ABCB1: variants seen among roughly 807,000 people sequenced by gnomAD.
ABCB1 encodes ATP-dependent translocase ABCB1.
ABCB1 carries 69 observed loss-of-function variants against 142.0 expected under a neutral mutation model. The observed-to-expected ratio is 0.49, with a 90% CI of 0.40 to 0.59. The LOEUF (loss-of-function observed/expected upper bound fraction) is 0.59. Among genes scored for constraint, ABCB1 ranks in the 20% least tolerant of loss-of-function variants. The pLI, the probability that ABCB1 is intolerant of heterozygous loss-of-function variation, is 0.00. For missense variants in ABCB1, 1,326 were observed against 1,554.7 expected (o/e 0.85, Z 2.47); for synonymous variants, 532 against 539.2 (o/e 0.99, Z 0.18).
At chr7:87,614,894 G>A (rs980943751) in intron 1 of ABCB1, among the ~76,000 whole-genome samples, 2 of 152,060 alleles carry the variant, frequency 1.3e-5, no homozygotes, top group East Asian at 3.9e-4. Flanking sequence ...TGCCCAGGCT[G>A]GAGTGCGGTG....
chr7:87,615,315 T>A (rs1248523615), intron 1 of ABCB1, among the ~76,000 whole-genome samples: 1 of 152,192 alleles, frequency 6.6e-6, no homozygotes, highest in Non-Finnish European at 1.5e-5. Flanking sequence ...GTGTGTTTAG[T>A]CCACTGAGAG....
intron 21 of ABCB1, among the ~76,000 whole-genome samples, chr7:87,528,166 A>T (rs1815878434): frequency 6.6e-6 from 1 of 152,190 alleles, no homozygotes. Flanking sequence ...ACATGTGAAG[A>T]TTATTACCAT....
At chr7:87,531,271 C>T (rs2117129515) in intron 21 of ABCB1, 23 bp downstream of exon 21, 2 of 1,582,808 alleles carry the variant, frequency 1.3e-6, no homozygotes, top group Non-Finnish European at 1.7e-6. Context: ...CTTAATTAAT[C>T]AATCATATTT....
intron 1 of ABCB1, among the ~76,000 whole-genome samples, chr7:87,611,227 T>A (rs887381268): frequency 6.6e-6 from 1 of 152,142 alleles, no homozygotes; most frequent in African/African-American, 2.4e-5. Flanking sequence ...CTCCCCTTAT[T>A]CCTTCATGAT....
chr7:87,536,889 A>C, intron 19 of ABCB1: 1 of 303,076 alleles, frequency 3.3e-6, no homozygotes, highest in Non-Finnish European at 6.3e-6. Flanking sequence ...CAGAAAAGTG[A>C]GGGGAGGTGC....
chr7:87,517,030 C>T (rs1022339340), intron 23 of ABCB1, among the ~76,000 whole-genome samples: 2 of 152,084 alleles, frequency 1.3e-5, no homozygotes, highest in Non-Finnish European at 2.9e-5. Flanking sequence ...AGCCACCATG[C>T]CTGGCCAAAA....
intron 4 of ABCB1, among the ~76,000 whole-genome samples, chr7:87,583,690 T>A (rs28381833): frequency 1.3e-5 from 2 of 152,190 alleles, no homozygotes; most frequent in African/African-American, 2.4e-5. Context: ...TGGGAGCTCA[T>A]GCATGCTATT....
chr7:87,650,058 C>T (rs1322759496), intron 1 of ABCB1, among the ~76,000 whole-genome samples: 2 of 152,090 alleles, frequency 1.3e-5, no homozygotes. Context: ...CTAATACAGA[C>T]GTATTCTTCT....
At chr7:87,552,639 C>T (rs1817124723) in intron 9 of ABCB1, among the ~76,000 whole-genome samples, 1 of 145,132 alleles carries the variant, frequency 6.9e-6, no homozygotes, top group African/African-American at 2.6e-5. Context: ...CCCACAGCAT[C>T]ACTATACTAA....
intron 8 of ABCB1, among the ~76,000 whole-genome samples, chr7:87,555,210 A>G (rs1817257027): frequency 6.6e-6 from 1 of 152,170 alleles, no homozygotes; most frequent in Non-Finnish European, 1.5e-5. Context: ...CCAAGGTAAA[A>G]GGATTAGAGA....
chr7:87,638,039 A>T (rs1211004641), intron 1 of ABCB1, among the ~76,000 whole-genome samples: 1 of 151,942 alleles, frequency 6.6e-6, no homozygotes. Context: ...TCATAAATGG[A>T]TGCTTATTAT....
intron 8 of ABCB1, among the ~76,000 whole-genome samples, chr7:87,559,960 C>T (rs1817487455): frequency 6.6e-6 from 1 of 152,178 alleles, no homozygotes; most frequent in Admixed American, 6.5e-5. Context: ...CATTATGTCT[C>T]TGCTCAAATA....
In ABCB1 at chr7:87,571,769, C is replaced by T. The variant is rs114027390; in HGVS notation, c.287-1546G>A. ...TGAAGATGTCCAATAAGTATTCAGA[C>T]CGTAACTTTCCAGTTTTAGAGACAG... On this transcript the variant is annotated intron_variant, in intron 4 of 27. Transcript: ENST00000622132. Among the ~76,000 whole-genome samples, 695 of 152,228 alleles carry T rather than the reference C, an allele frequency of 4.6e-3. 5 individuals are homozygous for T. The highest frequency in any genetic ancestry group is 0.016 in the African/African-American group (655 of 41,540).
rs1814563973 is a variant in ABCB1 at position 87,503,163 on chromosome 7, T to C, written c.*1080A>G. The stretch of plus-strand genomic sequence containing the variant: ...TTGAGAATTACCTGATTATATCCTT[T>C]CCTATTTTTTTTTCCTGGAGGTGAT... On this transcript the variant is annotated 3_prime_UTR_variant, in exon 28 of 28. Coordinates refer to ENST00000622132, the MANE Select transcript of ABCB1 (RefSeq NM_001348946.2). 6.6e-6 allele frequency among the ~76,000 whole-genome samples: 1 copy of C among 152,028 alleles called. No homozygotes were observed. The highest frequency in any genetic ancestry group is 6.5e-5 in the Admixed American group (1 of 15,282).
chr7:87,647,866 C>G (rs931425778), intron 1 of ABCB1, among the ~76,000 whole-genome samples: 2 of 151,932 alleles, frequency 1.3e-5, no homozygotes, highest in Admixed American at 1.3e-4. Context: ...GGCCAACTTG[C>G]AGAGATGAAA....
rs986073194 is a variant in ABCB1 at position 87,691,892 on chromosome 7, C to T, written c.-331+21269G>A. On this transcript the variant is annotated intron_variant, in intron 1 of 28. Coordinates refer to the ABCB1 transcript ENST00000265724. ...GGTCTTGGCAGCCTTGTCTCTGGGC[C>T]TACCTTTTCTCATCTGTAAAATGAG... Among the ~76,000 whole-genome samples, 4 of 152,134 alleles carry T rather than the reference C, an allele frequency of 2.6e-5. No homozygotes were observed. The South Asian group carries it at 8.3e-4, about 31-fold the overall frequency.
At chr7:87,643,431 G>A (rs1438184484) in intron 1 of ABCB1, among the ~76,000 whole-genome samples, 3 of 152,048 alleles carry the variant, frequency 2.0e-5, no homozygotes, top group Non-Finnish European at 4.4e-5. Context: ...TATGTGAAAG[G>A]TATTTTTTCT....
chr7:87,541,444 A>T lies in ABCB1; in HGVS notation c.2232T>A (p.Asp744Glu), dbSNP rs747772100. Residue 744 changes from aspartate (D) to glutamate (E), a missense_variant, in exon 18 of 28, where the codon GAT becomes GAA. Transcript: ENST00000622132. ...KIIGVFTRID[D>E]PETKRQNSNL... The stretch of plus-strand genomic sequence containing the variant: ...TACTATTCTGTCGTTTTGTTTCAGG[A>T]TCATCAATTCTTGTAAAAACCTGTG... 2 of 1,607,244 alleles carry T rather than the reference A, an allele frequency of 1.2e-6. No individual in the cohort carries two copies. Among genetic ancestry groups the T allele is most frequent in the Non-Finnish European group, 1.7e-6 (2 of 1,173,878 alleles).
Position 87,561,275 on chromosome 7 carries a change from T to G in ABCB1, c.815A>C (p.Lys272Thr), listed in dbSNP as rs764072893. The G allele has an allele frequency of 1.2e-6, 2 of 1,613,832 alleles. No individual in the cohort carries two copies. Among genetic ancestry groups the G allele is most frequent in the African/African-American group, 2.7e-5 (2 of 74,922 alleles). ...RTVIAFGGQK[K>T]ELERYNKNLE... ...AAGAAACTCAAACCTTTCAAGTTCT[T>G]TCTTTTGTCCTCCAAATGCAATCAC... Residue 272 changes from lysine to threonine, a missense_variant, in exon 8 of 28, where the codon AAA becomes ACA. Physicochemically the swap from Lys to Thr is moderately conservative, Grantham distance 78. Transcript: ENST00000622132.
Sources: gnomAD v4.1 joint callset for allele counts (sites outside exome capture counted in the v4.1 genomes callset) on GRCh38, gnomAD v4.1.1 for gene constraint, MANE v1.5 for transcripts, NCBI Gene and HGNC (gene_info 2026-07-23, HGNC 2026-07-21) for gene names.